CDH12: variants seen among roughly 807,000 people sequenced by gnomAD.
CDH12 encodes cadherin-12.
In CDH12, 41 loss-of-function variants were observed where a neutral mutation model predicts 74.1. The observed-to-expected ratio is 0.55, with a 90% CI of 0.43 to 0.72. The LOEUF is 0.72. Among genes scored for constraint, CDH12 ranks in the 30% least tolerant of loss-of-function variants. CDH12 has a pLI of 0.00. For missense variants in CDH12, 945 were observed against 977.2 expected (o/e 0.97, Z 0.44); for synonymous variants, 399 against 355.0 (o/e 1.12, Z -1.39).
chr5:22,811,836 A>C (rs185518247), intron 1 of CDH12, among the ~76,000 whole-genome samples: 18 of 152,260 alleles, frequency 1.2e-4, no homozygotes, highest in East Asian at 1.2e-3. Flanking sequence ...AGTGACTTCT[A>C]CAGAAGGGAT....
chr5:22,251,107 T>C (rs773433387), intron 3 of CDH12, among the ~76,000 whole-genome samples: 1 of 152,124 alleles, frequency 6.6e-6, no homozygotes, highest in South Asian at 2.1e-4. Flanking sequence ...ATAGGGAAGA[T>C]TGGATGACTG....
chr5:22,319,766 G>A (rs1039743474), intron 3 of CDH12, among the ~76,000 whole-genome samples: 8 of 152,144 alleles, frequency 5.3e-5, no homozygotes, highest in South Asian at 2.1e-4. Flanking sequence ...TTTCCATTGG[G>A]ATCATTTCAG....
At chr5:22,053,845 C>T (rs1740558095) in intron 5 of CDH12, among the ~76,000 whole-genome samples, 1 of 152,014 alleles carries the variant, frequency 6.6e-6, no homozygotes, top group Non-Finnish European at 1.5e-5. Flanking sequence ...TAAGCCTGTA[C>T]CAAAGCCATA....
At chr5:22,811,631 G>GT (rs1749154052) in intron 1 of CDH12, among the ~76,000 whole-genome samples, 1 of 152,142 alleles carries the variant, frequency 6.6e-6, no homozygotes, top group Non-Finnish European at 1.5e-5. Flanking sequence ...TTTATGAATC[G>GT]TTTGAGAAAT....
intron 5 of CDH12, among the ~76,000 whole-genome samples, chr5:22,026,188 G>GT (rs1351235677): frequency 6.6e-6 from 1 of 152,110 alleles, no homozygotes; most frequent in African/African-American, 2.4e-5. Context: ...CAGGCACTTA[G>GT]TGAGGGAACA....
intron 3 of CDH12, among the ~76,000 whole-genome samples, chr5:22,305,695 T>TG (rs1738075452): frequency 6.6e-6 from 1 of 152,270 alleles, no homozygotes; most frequent in East Asian, 1.9e-4. Flanking sequence ...CTGGCCTCAC[T>TG]GGGGGCAGCA....
chr5:21,860,502 T>C lies in CDH12; in HGVS notation c.527-5712A>G, dbSNP rs541841940. Among the ~76,000 whole-genome samples, 4 of 152,144 alleles carry C rather than the reference T, an allele frequency of 2.6e-5. No individual in the cohort carries two copies. The South Asian group carries it at 8.3e-4, about 32-fold the overall frequency. On this transcript the variant is annotated intron_variant, in intron 6 of 14. Coordinates refer to ENST00000382254, the MANE Select transcript of CDH12 (RefSeq NM_004061.5). ...ATTGAAGGATGCAAATTATTTTTAC[T>C]GGATGTGTCTGTGAGGTTGTTGCCA...
chr5:22,361,683 T>G (rs1561344290), intron 3 of CDH12, among the ~76,000 whole-genome samples: 1 of 152,058 alleles, frequency 6.6e-6, no homozygotes, highest in Non-Finnish European at 1.5e-5. Flanking sequence ...CAAACTATAC[T>G]ACAAGGCTAC....
chr5:21,941,884 T>C (rs1755345703), intron 6 of CDH12, among the ~76,000 whole-genome samples: 1 of 152,098 alleles, frequency 6.6e-6, no homozygotes, highest in South Asian at 2.1e-4. Flanking sequence ...AGGATTTCTA[T>C]TCAAGGCCAC....
chr5:22,244,740 A>G (rs866076159), intron 3 of CDH12, among the ~76,000 whole-genome samples: 13 of 92,630 alleles, frequency 1.4e-4, no homozygotes, highest in Admixed American at 2.8e-4. Flanking sequence ...AGAAAGAAAG[A>G]AAAGAAAGAA....
chr5:22,459,427 C>T (rs1317719913), intron 2 of CDH12, among the ~76,000 whole-genome samples: 2 of 151,720 alleles, frequency 1.3e-5, no homozygotes, highest in Non-Finnish European at 1.5e-5. Flanking sequence ...AAATAATAAA[C>T]AAAAAATGCA....
intron 1 of CDH12, among the ~76,000 whole-genome samples, chr5:22,601,534 T>G (rs1287210282): frequency 6.6e-6 from 1 of 152,076 alleles, no homozygotes; most frequent in African/African-American, 2.4e-5. Context: ...GCCAAGGGGT[T>G]GAACTAATCA....
intron 5 of CDH12, among the ~76,000 whole-genome samples, chr5:22,071,968 C>G (rs183047562): frequency 5.9e-5 from 9 of 152,200 alleles, no homozygotes; most frequent in African/African-American, 2.2e-4. Context: ...CTTTACATTG[C>G]CATGATCAAT....
At chr5:22,321,525 G>A (rs1191470614) in intron 3 of CDH12, among the ~76,000 whole-genome samples, 2 of 141,662 alleles carry the variant, frequency 1.4e-5, no homozygotes, top group Admixed American at 1.4e-4. Context: ...GGATAGCATT[G>A]GGAGATATAC....
chr5:22,831,663 G>A (rs1561062965), intron 1 of CDH12, among the ~76,000 whole-genome samples: 2 of 152,024 alleles, frequency 1.3e-5, no homozygotes, highest in South Asian at 4.1e-4. Flanking sequence ...TTGGGAGCCC[G>A]AGGCGGGTGG....
chr5:21,966,033 A>G (rs979773961), intron 6 of CDH12, among the ~76,000 whole-genome samples: 4 of 152,064 alleles, frequency 2.6e-5, no homozygotes, highest in African/African-American at 7.2e-5. Flanking sequence ...ATAAAGCCAA[A>G]CCAACACTTT....
At chr5:22,794,943 T>C (rs1024569417) in intron 1 of CDH12, among the ~76,000 whole-genome samples, 1 of 152,142 alleles carries the variant, frequency 6.6e-6, no homozygotes, top group African/African-American at 2.4e-5. Flanking sequence ...GTTATATATA[T>C]ACATATGTCA....
rs1748093585 is a variant in CDH12 at position 21,817,001 on chromosome 5, A to G, written c.946T>C (p.Leu316=). Residue 316 remains leucine, a synonymous_variant, in exon 9 of 15, where the codon TTG becomes CTG. Coordinates refer to ENST00000382254, the MANE Select transcript of CDH12 (RefSeq NM_004061.5). ...YNIVPGDGGN[L]FDIVTDEDTQ... Reference sequence around the variant, plus strand: ...TCCTCATCTGTGACGATGTCAAACAAATTTCCCCCATCTCCTGGAACAATA... The same window carrying G: ...TCCTCATCTGTGACGATGTCAAACAGATTTCCCCCATCTCCTGGAACAATA... The G allele has an allele frequency of 1.9e-6, 3 of 1,612,808 alleles. 1 individual carries two copies. The East Asian group carries it at 6.7e-5, about 36-fold the overall frequency.
At chr5:21,799,201 G>T (rs1301046723) in intron 10 of CDH12, among the ~76,000 whole-genome samples, 2 of 152,164 alleles carry the variant, frequency 1.3e-5, no homozygotes, top group African/African-American at 4.8e-5. Context: ...TAGGTGGATG[G>T]TGTTCATGGT....
Sources: allele counts gnomAD v4.1 joint callset (sites outside exome capture counted in the v4.1 genomes callset), GRCh38; gene constraint gnomAD v4.1.1; transcripts MANE v1.5; gene names NCBI Gene and HGNC (gene_info 2026-07-23, HGNC 2026-07-21).